The following TIAM1 variants were observed in gnomAD, a reference collection of about 807,000 sequenced individuals.
TIAM1 encodes the protein TIAM Rac1 associated GEF 1.
Under a neutral mutation model 163.5 loss-of-function variants are expected in TIAM1, and 65 were observed. The observed-to-expected ratio is 0.40, with a 90% confidence interval of 0.33 to 0.49. The LOEUF (loss-of-function observed/expected upper bound fraction) is 0.49. Ranked by LOEUF, TIAM1 falls within the 20% of genes least tolerant of loss-of-function variation. The probability of loss-of-function intolerance (pLI) is 0.77; values close to 1 mark genes in which losing one functional copy is unlikely to be tolerated. For synonymous variants in TIAM1, 833 were observed against 810.1 expected (o/e 1.03, Z -0.48); for missense variants, 1,789 against 2,044.7 (o/e 0.87, Z 2.41).
Position 31,124,713 on chromosome 21 carries a change from C to CA in TIAM1, c.4134-20dup. 3 of 1,544,944 alleles carry CA rather than the reference C, an allele frequency of 1.9e-6. No individual in the cohort carries two copies. Among genetic ancestry groups the CA allele is most frequent in the Non-Finnish European group, 2.6e-6 (3 of 1,145,624 alleles). ...TGGGGAGCTAGGAAAAGAAGATTTA[C>CA]AGATGTTAGAGAATCAGGGCTTAAC... On this transcript the variant is annotated intron_variant, in intron 26 of 27. Transcript: ENST00000541036.
intron 2 of TIAM1, among the ~76,000 whole-genome samples, chr21:31,459,874 A>G (rs1192621327): frequency 2.0e-5 from 3 of 152,198 alleles, no homozygotes; most frequent in Non-Finnish European, 4.4e-5. Flanking sequence ...CAAAGAGCCA[A>G]CTGGAGCCGG....
intron 13 of TIAM1, among the ~76,000 whole-genome samples, chr21:31,188,504 G>C (rs777416537): frequency 5.3e-5 from 8 of 152,142 alleles, no homozygotes; most frequent in African/African-American, 9.7e-5. Context: ...AGAATGAATA[G>C]GATTCATCTA....
Position 31,410,944 on chromosome 21 carries a change from G to A in TIAM1, c.-369+53039C>T, listed in dbSNP as rs145423167. On this transcript the variant is annotated intron_variant, in intron 2 of 28. Coordinates refer to the TIAM1 transcript ENST00000286827. ...ATTAGGGGCCCGCTCCTCACTGGAC[G>A]ATGTTACAAAGAGCCCCTGAAAAAC... 5.1e-3 allele frequency among the ~76,000 whole-genome samples: 775 copies of A among 152,262 alleles called. 8 individuals carry two copies. The highest frequency in any genetic ancestry group is 0.018 in the African/African-American group (733 of 41,524).
chr21:31,275,075 T>C (rs2146851806), intron 3 of TIAM1, among the ~76,000 whole-genome samples: 1 of 151,326 alleles, frequency 6.6e-6, no homozygotes, highest in African/African-American at 2.4e-5. Flanking sequence ...TGAGCCGAGA[T>C]TGCACCATTG....
At chr21:31,191,942 T>G (rs753465018) in intron 13 of TIAM1, among the ~76,000 whole-genome samples, 24 of 152,276 alleles carry the variant, frequency 1.6e-4, no homozygotes, top group South Asian at 4.1e-4. Context: ...TCAACAAAAA[T>G]TAAGTAAACT....
chr21:31,428,637 C>T (rs751008139), intron 2 of TIAM1, among the ~76,000 whole-genome samples: 1 of 152,136 alleles, frequency 6.6e-6, no homozygotes, highest in Non-Finnish European at 1.5e-5. Flanking sequence ...AATTCCAGCA[C>T]TTTGGGAGGT....
intron 1 of TIAM1, among the ~76,000 whole-genome samples, chr21:31,466,551 C>G (rs1292131697): frequency 6.6e-6 from 1 of 152,146 alleles, no homozygotes; most frequent in African/African-American, 2.4e-5. Context: ...CAAGTTTGGT[C>G]AAGGAGCAAG....
intron 14 of TIAM1, among the ~76,000 whole-genome samples, chr21:31,185,435 ATATAAT>A (rs908585427): frequency 6.9e-6 from 1 of 145,558 alleles, no homozygotes; most frequent in African/African-American, 2.5e-5. Flanking sequence ...ATATAATTAT[ATATAAT>A]TATATTAACG....
intron 15 of TIAM1, among the ~76,000 whole-genome samples, chr21:31,170,730 A>T (rs1254900347): frequency 1.3e-5 from 2 of 152,042 alleles, no homozygotes; most frequent in East Asian, 3.9e-4. Context: ...TCATTAAGTC[A>T]AATCATCATA....
intron 1 of TIAM1, among the ~76,000 whole-genome samples, chr21:31,533,901 G>A (rs771470908): frequency 3.5e-4 from 54 of 152,172 alleles, no homozygotes; most frequent in Admixed American, 2.8e-3. Flanking sequence ...GGAAATGTGC[G>A]GACAGGAGGG....
intron 2 of TIAM1, among the ~76,000 whole-genome samples, chr21:31,462,019 T>A (rs554470064): frequency 2.0e-5 from 3 of 152,214 alleles, no homozygotes; most frequent in African/African-American, 4.8e-5. Flanking sequence ...CACATTCACA[T>A]GTACTAAGAC....
intron 2 of TIAM1, among the ~76,000 whole-genome samples, chr21:31,313,847 G>T (rs887559279): frequency 3.3e-5 from 5 of 152,184 alleles, no homozygotes; most frequent in African/African-American, 1.2e-4. Context: ...AAAGTGCTGG[G>T]ATTACAGGCA....
chr21:31,191,714 G>A (rs1436683732), intron 13 of TIAM1, among the ~76,000 whole-genome samples: 4 of 152,178 alleles, frequency 2.6e-5, no homozygotes, highest in African/African-American at 4.8e-5. Flanking sequence ...CAAGACTGAC[G>A]CCTGGTGCCC....
chr21:31,207,007 T>C (rs1370420291), intron 11 of TIAM1, among the ~76,000 whole-genome samples: 1 of 152,194 alleles, frequency 6.6e-6, no homozygotes, highest in East Asian at 1.9e-4. Context: ...AAAGTAACCT[T>C]TTCTTTCTCT....
At chr21:31,452,862 GA>G in intron 2 of TIAM1, 1 of 519,986 alleles carries the variant, frequency 1.9e-6, no homozygotes. Context: ...TCAAGACCTG[GA>G]AAAAGCAGTG....
At chr21:31,207,403 A>T (rs2284487) in intron 11 of TIAM1, among the ~76,000 whole-genome samples, 14,885 of 152,270 alleles carry the variant, frequency 0.098, 1,273 homozygotes, top group East Asian at 0.4. Flanking sequence ...ATTGATTATT[A>T]AATATTAGAG....
intron 13 of TIAM1, among the ~76,000 whole-genome samples, chr21:31,194,294 C>G (rs1453715581): frequency 6.6e-6 from 1 of 152,070 alleles, no homozygotes; most frequent in African/African-American, 2.4e-5. Flanking sequence ...GTGAGTATGA[C>G]CAGAGGCTGA....
At chr21:31,225,004 AGATAT>A (rs911835754) in intron 7 of TIAM1, among the ~76,000 whole-genome samples, 81 of 152,164 alleles carry the variant, frequency 5.3e-4, no homozygotes, top group African/African-American at 1.9e-3. Flanking sequence ...ATAGATAGAT[AGATAT>A]ATCTCTCTCT....
intron 1 of TIAM1, among the ~76,000 whole-genome samples, chr21:31,514,344 G>A (rs2047309890): frequency 6.6e-6 from 1 of 151,934 alleles, no homozygotes; most frequent in Non-Finnish European, 1.5e-5. Flanking sequence ...CTAAAGATTA[G>A]CCACCAATTG....
Sources: gnomAD v4.1 joint callset for allele counts (sites outside exome capture counted in the v4.1 genomes callset) on GRCh38, gnomAD v4.1.1 for gene constraint, MANE v1.5 for transcripts, NCBI Gene and HGNC (gene_info 2026-07-23, HGNC 2026-07-21) for gene names.